Variants in NEXMIF observed in about 807,000 individuals in gnomAD.
The protein encoded by NEXMIF is neurite extension and migration factor.
Under a neutral mutation model 62.1 loss-of-function variants are expected in NEXMIF, and 8 were observed. The observed-to-expected ratio is 0.13, with a 90% CI of 0.08 to 0.23. NEXMIF has a LOEUF of 0.23. Among genes scored for constraint, NEXMIF ranks in the 10% least tolerant of loss-of-function variants. The pLI is 1.00. For missense variants in NEXMIF, 976 were observed against 1,113.3 expected (o/e 0.88, Z 1.75); for synonymous variants, 404 against 416.6 (o/e 0.97, Z 0.37).
At chrX:74,806,180 C>T (rs759673626) in intron 1 of NEXMIF, among the ~76,000 whole-genome samples, 7 of 111,214 alleles carry the variant, frequency 6.3e-5, no homozygotes, top group Non-Finnish European at 1.1e-4. Context: ...TTCAACTTAC[C>T]GTTTTTTTTC....
At chrX:74,750,891 T>C (rs995152481) in intron 1 of NEXMIF, among the ~76,000 whole-genome samples, 2 of 111,512 alleles carry the variant, frequency 1.8e-5, no homozygotes, top group African/African-American at 6.5e-5. Context: ...ATCTCAAAAG[T>C]ATGGTATGAC....
intron 1 of NEXMIF, among the ~76,000 whole-genome samples, chrX:74,922,990 C>T (rs2080832111): frequency 9.0e-6 from 1 of 111,329 alleles, no homozygotes; most frequent in Non-Finnish European, 1.9e-5. Context: ...CCCATGTGCA[C>T]CAAAAAATTA....
At chrX:74,794,228 C>T (rs1013513720) in intron 1 of NEXMIF, among the ~76,000 whole-genome samples, 2 of 109,637 alleles carry the variant, frequency 1.8e-5, no homozygotes, top group African/African-American at 6.6e-5. Context: ...TGTTGGAATA[C>T]CCTGCCGTGT....
intron 1 of NEXMIF, among the ~76,000 whole-genome samples, chrX:74,840,054 C>T (rs2080469153): frequency 8.9e-6 from 1 of 111,943 alleles, no homozygotes; most frequent in African/African-American, 3.2e-5. Context: ...GTTTCCTTTT[C>T]TCCACAACCT....
At chrX:74,921,444 A>C (rs755303371) in intron 1 of NEXMIF, among the ~76,000 whole-genome samples, 1 of 112,099 alleles carries the variant, frequency 8.9e-6, no homozygotes, top group Non-Finnish European at 1.9e-5. Context: ...CTAAAAAGAA[A>C]TTTTCTGGGC....
chrX:74,775,208 A>G lies in NEXMIF; in HGVS notation c.-47-29511T>C, dbSNP rs192885492. ...AATCATTTTCCAATTTTCTTGTCTC[A>G]ACCAGTTCTGTACTGTCATTTACCT... On this transcript the variant is annotated intron_variant, in intron 1 of 3. Coordinates refer to ENST00000055682, the MANE Select transcript of NEXMIF (RefSeq NM_001008537.3). 4.8e-4 allele frequency among the ~76,000 whole-genome samples: 53 copies of G among 111,561 alleles called. 1 individual carries two copies. Among genetic ancestry groups the G allele is most frequent in the Middle Eastern group, 9.1e-3 (2 of 219 alleles).
At chrX:74,886,415 A>C (rs1388356939) in intron 1 of NEXMIF, among the ~76,000 whole-genome samples, 1 of 111,998 alleles carries the variant, frequency 8.9e-6, no homozygotes, top group Non-Finnish European at 1.9e-5. Context: ...GTCTCAGCCC[A>C]AAATCTCCTC....
At position 74,742,865 on chromosome X, in the gene NEXMIF, A is replaced by C. The variant is rs760518421; in HGVS notation, c.1692T>G (p.Ser564Arg). The change falls in exon 3 of 4, where the codon AGT (serine) becomes AGG (arginine). Residue 564 changes from serine to arginine, a missense_variant. By Grantham distance (110) the Ser-to-Arg change is moderately radical (BLOSUM62 -1). This residue lies in a region of NEXMIF where 639 missense variants were observed against 694.5 expected (regional missense o/e 0.92). Transcript: ENST00000055682. Reference protein sequence around the residue: ...MLVKLGKVDASETTVNLSENQ... With the variant: ...MLVKLGKVDARETTVNLSENQ... ...TCTCACTCAAATTCACTGTTGTCTC[A>C]CTGGCATCCACCTTACCCAACTTCA... is the stretch of plus-strand genomic sequence containing the variant. The C allele has an allele frequency of 3.3e-6, 4 of 1,211,174 alleles. No individual in the cohort carries two copies. The highest frequency in any genetic ancestry group is 2.2e-5 in the Admixed American group (1 of 45,943).
intron 1 of NEXMIF, among the ~76,000 whole-genome samples, chrX:74,867,775 T>G (rs2080585499): frequency 1.8e-5 from 2 of 111,997 alleles, no homozygotes; most frequent in African/African-American, 6.5e-5. Context: ...AAAGTAAAAA[T>G]TGACAAGTGT....
chrX:74,820,609 T>C (rs890959723), intron 1 of NEXMIF, among the ~76,000 whole-genome samples: 3 of 111,629 alleles, frequency 2.7e-5, no homozygotes, highest in Non-Finnish European at 5.6e-5. Context: ...AACCTAGGTG[T>C]CCATCGACGG....
At chrX:74,791,565 C>T (rs1476134714) in intron 1 of NEXMIF, among the ~76,000 whole-genome samples, 2 of 111,493 alleles carry the variant, frequency 1.8e-5, no homozygotes, top group African/African-American at 3.3e-5. Flanking sequence ...CCAGCTAATC[C>T]TTGTACCTCT....
intron 1 of NEXMIF, among the ~76,000 whole-genome samples, chrX:74,911,172 C>A (rs1016233826): frequency 9.0e-6 from 1 of 111,623 alleles, no homozygotes; most frequent in African/African-American, 3.3e-5. Context: ...GTAATCCCAG[C>A]ACTTTGGGAG....
intron 1 of NEXMIF, among the ~76,000 whole-genome samples, chrX:74,759,562 G>C (rs2080169892): frequency 2.7e-5 from 3 of 112,011 alleles, no homozygotes; most frequent in Non-Finnish European, 5.6e-5. Context: ...GTTGATTTTT[G>C]TATATGGTGT....
At chrX:74,771,052 C>G (rs1448358101) in intron 1 of NEXMIF, among the ~76,000 whole-genome samples, 1 of 112,044 alleles carries the variant, frequency 8.9e-6, no homozygotes, top group Non-Finnish European at 1.9e-5. Context: ...TCTGCATACT[C>G]TATACCTTTA....
chrX:74,878,051 G>A (rs2080644687), intron 1 of NEXMIF, among the ~76,000 whole-genome samples: 1 of 111,972 alleles, frequency 8.9e-6, no homozygotes, highest in East Asian at 2.8e-4. Flanking sequence ...TTCCTTTGGA[G>A]GAGGAGAGTC....
chrX:74,924,514 T>TGGCCA (rs1182560999), intron 1 of NEXMIF, among the ~76,000 whole-genome samples: 2 of 113,129 alleles, frequency 1.8e-5, no homozygotes, highest in African/African-American at 3.2e-5. Context: ...CCCCATTCCC[T>TGGCCA]GGCCAGGCTC....
intron 1 of NEXMIF, among the ~76,000 whole-genome samples, chrX:74,779,895 A>G (rs1393833682): frequency 2.7e-5 from 3 of 111,957 alleles, no homozygotes; most frequent in Non-Finnish European, 5.6e-5. Context: ...AGGGATCACT[A>G]GATCCTTGCT....
At chrX:74,905,640 T>A (rs904020499) in intron 1 of NEXMIF, among the ~76,000 whole-genome samples, 1 of 110,904 alleles carries the variant, frequency 9.0e-6, no homozygotes, top group African/African-American at 3.3e-5. Context: ...TAGAACCCCG[T>A]CTCTGCTAAA....
rs948687949 is a variant in NEXMIF at position 74,741,232 on chromosome X, C to T, written c.3325G>A (p.Val1109Met). The stretch of plus-strand genomic sequence containing the variant: ...CTGCAGTCCCACTTGATTTTTTCCA[C>T]ACTGTCCAATGGTCCTGGGACACCC... Reference protein sequence around the residue: ...QEGVPGPLDSVEKIKWDCSTL... With the variant: ...QEGVPGPLDSMEKIKWDCSTL... Residue 1109 changes from valine (V) to methionine (M), a missense_variant, in exon 3 of 4, where the codon GTG becomes ATG. Physicochemically the swap from Val to Met is conservative, Grantham distance 21 (BLOSUM62 1). Around this residue, in one of 5 missense-constraint regions of NEXMIF, gnomAD observed 639 missense variants for 694.5 expected, o/e 0.92. Transcript: ENST00000055682. The T allele has an allele frequency of 8.3e-7, 1 of 1,211,530 alleles. No individual in the cohort carries two copies. Among genetic ancestry groups the T allele is most frequent in the Non-Finnish European group, 1.1e-6 (1 of 895,409 alleles).
Sources: gnomAD v4.1 joint callset for allele counts (sites outside exome capture counted in the v4.1 genomes callset) on GRCh38, gnomAD v4.1.1 for gene constraint, gnomAD v4.1.1 regional missense constraint, MANE v1.5 for transcripts, NCBI Gene and HGNC (gene_info 2026-07-23, HGNC 2026-07-21) for gene names.